Variants in CCNY observed in about 807,000 individuals in gnomAD.
CCNY encodes the protein cyclin Y.
In CCNY, 19 loss-of-function variants were observed where a neutral mutation model predicts 42.8. That is an observed-to-expected ratio of 0.44 (90% CI 0.31 to 0.65). The LOEUF (loss-of-function observed/expected upper bound fraction) is 0.65, where lower values mean the gene tolerates loss of function less well. Among genes scored for constraint, CCNY ranks in the 30% least tolerant of loss-of-function variants. The pLI is 0.07. For missense variants in CCNY, 370 were observed against 437.3 expected (o/e 0.85, Z 1.37); for synonymous variants, 165 against 162.7 (o/e 1.01, Z -0.11).
At chr10:35,472,303 A>C (rs1457750046) in intron 1 of CCNY, among the ~76,000 whole-genome samples, 2 of 152,186 alleles carry the variant, frequency 1.3e-5, no homozygotes, top group African/African-American at 4.8e-5. Context: ...TCAAATCTGG[A>C]TCTTTTACAT....
chr10:35,422,530 G>C (rs2135265388), intron 1 of CCNY, among the ~76,000 whole-genome samples: 1 of 152,292 alleles, frequency 6.6e-6, no homozygotes, highest in Middle Eastern at 3.4e-3. Context: ...GACACATAAA[G>C]GCAATCAGAA....
intron 1 of CCNY, among the ~76,000 whole-genome samples, chr10:35,416,240 T>C (rs946842931): frequency 3.9e-5 from 6 of 151,908 alleles, no homozygotes; most frequent in Non-Finnish European, 7.4e-5. Flanking sequence ...CCGTGTACTT[T>C]GATGATGCTG....
At chr10:35,382,038 A>AT (rs1254737030) in intron 1 of CCNY, among the ~76,000 whole-genome samples, 1 of 152,170 alleles carries the variant, frequency 6.6e-6, no homozygotes, top group Non-Finnish European at 1.5e-5. Flanking sequence ...ACTGAAAATA[A>AT]TTTTTTTCAT....
At chr10:35,449,557 A>T (rs1838870280) in intron 1 of CCNY, among the ~76,000 whole-genome samples, 1 of 150,816 alleles carries the variant, frequency 6.6e-6, no homozygotes, top group Non-Finnish European at 1.5e-5. Flanking sequence ...AGGCTGGTTG[A>T]GAGCTGTAGT....
intron 3 of CCNY, among the ~76,000 whole-genome samples, chr10:35,326,277 T>C (rs1835879124): frequency 6.6e-6 from 1 of 152,082 alleles, no homozygotes; most frequent in African/African-American, 2.4e-5. Context: ...TTGGAGACAT[T>C]ACCTTTTACA....
intron 1 of CCNY, among the ~76,000 whole-genome samples, chr10:35,362,610 T>C (rs1385866240): frequency 1.3e-5 from 2 of 152,188 alleles, no homozygotes; most frequent in Non-Finnish European, 2.9e-5. Flanking sequence ...TTTAAAACTT[T>C]TAATTAAAAA....
chr10:35,545,155 G>A (rs1402125738), intron 7 of CCNY, among the ~76,000 whole-genome samples: 1 of 152,216 alleles, frequency 6.6e-6, no homozygotes, highest in Non-Finnish European at 1.5e-5. Flanking sequence ...GTTGTTAGCT[G>A]AGATTTTTAA....
intron 7 of CCNY, among the ~76,000 whole-genome samples, chr10:35,531,275 A>G (rs1345323992): frequency 1.3e-5 from 2 of 152,180 alleles, no homozygotes; most frequent in African/African-American, 2.4e-5. Context: ...AGAAGAGACA[A>G]TTGTCTAGTA....
At chr10:35,469,198 T>C (rs561757923) in intron 1 of CCNY, among the ~76,000 whole-genome samples, 4 of 136,734 alleles carry the variant, frequency 2.9e-5, no homozygotes, top group African/African-American at 1.1e-4. Context: ...AGTTCTCTCT[T>C]TGATTCGGGC....
At position 35,451,871 on chromosome 10, in the gene CCNY, C is replaced by T. The variant is rs544993734; in HGVS notation, c.155-31533C>T. 6.6e-5 allele frequency among the ~76,000 whole-genome samples: 10 copies of T among 152,302 alleles called. No homozygotes were observed. The South Asian group carries it at 1.7e-3, about 25-fold the overall frequency. On this transcript the variant is annotated intron_variant, in intron 1 of 9. Coordinates refer to ENST00000374704, the MANE Select transcript of CCNY (RefSeq NM_145012.6). ...GCCTGTCCTGCTGCTGTCACCCAGG[C>T]GAGCCACACATTCCACACTGGCTTG...
intron 1 of CCNY, among the ~76,000 whole-genome samples, chr10:35,482,032 T>C (rs1839680874): frequency 6.6e-6 from 1 of 152,214 alleles, no homozygotes; most frequent in Admixed American, 6.5e-5. Flanking sequence ...AGCATCTGTT[T>C]AAGATTCAAT....
At chr10:35,451,213 T>A (rs1838908093) in intron 1 of CCNY, among the ~76,000 whole-genome samples, 1 of 152,202 alleles carries the variant, frequency 6.6e-6, no homozygotes, top group Admixed American at 6.5e-5. Context: ...TGAAATCATC[T>A]TCTCCCACTT....
chr10:35,357,282 C>G (rs1836578943), intron 1 of CCNY, among the ~76,000 whole-genome samples: 1 of 150,784 alleles, frequency 6.6e-6, no homozygotes, highest in Non-Finnish European at 1.5e-5. Context: ...TCTTATTTGC[C>G]TGTTGCTTGT....
At chr10:35,362,711 G>C (rs1338112353) in intron 1 of CCNY, among the ~76,000 whole-genome samples, 1 of 152,248 alleles carries the variant, frequency 6.6e-6, no homozygotes, top group Non-Finnish European at 1.5e-5. Context: ...TTGCACAGCA[G>C]CCAGAGGCGC....
chr10:35,403,160 G>T (rs1213070786), intron 1 of CCNY, among the ~76,000 whole-genome samples: 1 of 152,056 alleles, frequency 6.6e-6, no homozygotes, highest in Non-Finnish European at 1.5e-5. Context: ...CAATCCCTGA[G>T]GGGTAGTGGA....
intron 3 of CCNY, among the ~76,000 whole-genome samples, chr10:35,292,731 T>TATCTAAGA (rs1198502546): frequency 6.6e-6 from 1 of 151,878 alleles, no homozygotes; most frequent in Non-Finnish European, 1.5e-5. Flanking sequence ...TTCAGCATCG[T>TATCTAAGA]ATCTAAGAAA....
chr10:35,401,462 A>G (rs1245098307), intron 1 of CCNY, among the ~76,000 whole-genome samples: 1 of 150,506 alleles, frequency 6.6e-6, no homozygotes, highest in Admixed American at 6.6e-5. Flanking sequence ...ACAAAAATTT[A>G]TTTTGCCAGG....
chr10:35,541,660 A>G (rs2135436281), intron 7 of CCNY, among the ~76,000 whole-genome samples: 1 of 152,336 alleles, frequency 6.6e-6, no homozygotes. Flanking sequence ...TCGGCCTCCC[A>G]GAGTGCTAGG....
At chr10:35,439,400 C>T (rs188732946) in intron 1 of CCNY, among the ~76,000 whole-genome samples, 3 of 152,244 alleles carry the variant, frequency 2.0e-5, no homozygotes, top group Admixed American at 6.5e-5. Flanking sequence ...TGCTGTTGAG[C>T]ACATCTACTG....
Sources: allele counts gnomAD v4.1 joint callset (sites outside exome capture counted in the v4.1 genomes callset), GRCh38; gene constraint gnomAD v4.1.1; transcripts MANE v1.5; gene names NCBI Gene and HGNC (gene_info 2026-07-23, HGNC 2026-07-21).